The following PLCB1 variants were observed in gnomAD, a reference collection of about 807,000 sequenced individuals.
PLCB1 encodes the protein phospholipase C beta 1.
A neutral mutation model predicts 161.8 loss-of-function variants in PLCB1; 46 were observed. The ratio of observed to expected loss-of-function variants is 0.28; its 90% CI spans 0.22 to 0.36. PLCB1 has a LOEUF of 0.36. Among genes scored for constraint, PLCB1 ranks in the 10% least tolerant of loss-of-function variants. The pLI is 1.00. For missense variants in PLCB1, 1,016 were observed against 1,472.5 expected (o/e 0.69, Z 5.07); for synonymous variants, 517 against 503.7 (o/e 1.03, Z -0.35).
chr20:8,297,894 T>G (rs865851896), intron 2 of PLCB1, among the ~76,000 whole-genome samples: 13 of 147,156 alleles, frequency 8.8e-5, no homozygotes, highest in African/African-American at 1.5e-4. Flanking sequence ...CTTTTTGGGT[T>G]TTTTTTTTTT....
At chr20:8,502,196 G>T (rs1983455075) in intron 3 of PLCB1, among the ~76,000 whole-genome samples, 1 of 151,656 alleles carries the variant, frequency 6.6e-6, no homozygotes, top group Non-Finnish European at 1.5e-5. Flanking sequence ...GTGTTCTATG[G>T]GACAGCTCTA....
At chr20:8,655,027 CAAAG>C (rs1452003828) in intron 7 of PLCB1, among the ~76,000 whole-genome samples, 3 of 151,986 alleles carry the variant, frequency 2.0e-5, no homozygotes, top group East Asian at 1.9e-4. Flanking sequence ...AAAAATGAGA[CAAAG>C]AAAATCAGCT....
intron 2 of PLCB1, among the ~76,000 whole-genome samples, chr20:8,167,689 G>A (rs1172870740): frequency 6.6e-6 from 1 of 152,116 alleles, no homozygotes; most frequent in Non-Finnish European, 1.5e-5. Context: ...TTTAAATTAT[G>A]AGTTGTCTCT....
chr20:8,532,850 T>TTTTTA (rs780863130), intron 3 of PLCB1, among the ~76,000 whole-genome samples: 8 of 151,994 alleles, frequency 5.3e-5, no homozygotes, highest in African/African-American at 7.3e-5. Flanking sequence ...TTTTTCTTCC[T>TTTTTA]TTTTATTTTA....
intron 3 of PLCB1, among the ~76,000 whole-genome samples, chr20:8,558,807 AAAC>A (rs1245156429): frequency 1.3e-5 from 2 of 151,950 alleles, no homozygotes; most frequent in African/African-American, 2.4e-5. Flanking sequence ...CAGGAGGAAA[AAAC>A]AACCTGTCAA....
intron 3 of PLCB1, among the ~76,000 whole-genome samples, chr20:8,611,982 C>T (rs1987918299): frequency 6.6e-6 from 1 of 152,054 alleles, no homozygotes; most frequent in Non-Finnish European, 1.5e-5. Context: ...GATATATTCA[C>T]CTCAAGTTTT....
In PLCB1 at chr20:8,708,653, T is replaced by A. The variant is rs756936385; in HGVS notation, c.1168-17T>A. 6.5e-6 allele frequency: 10 copies of A among 1,540,212 alleles called. No individual in the cohort carries two copies. The Admixed American group carries it at 1.7e-4, about 26-fold the overall frequency. On this transcript the variant is annotated splice_polypyrimidine_tract_variant and intron_variant, in intron 11 of 31. Coordinates refer to ENST00000338037, the MANE Select transcript of PLCB1 (RefSeq NM_015192.4). ...AAAATTCTGGCATACTGAATATACA[T>A]GTGTTCTCATTTTTAGGAAGTGATA...
At chr20:8,784,737 T>C (rs1283473292) in intron 27 of PLCB1, among the ~76,000 whole-genome samples, 1 of 152,188 alleles carries the variant, frequency 6.6e-6, no homozygotes, top group Non-Finnish European at 1.5e-5. Flanking sequence ...TTCATTTAAT[T>C]GCATGCAAAA....
chr20:8,465,026 ATCT>A (rs1981757022), intron 3 of PLCB1, among the ~76,000 whole-genome samples: 3 of 151,918 alleles, frequency 2.0e-5, no homozygotes, highest in African/African-American at 7.3e-5. Flanking sequence ...TCATATTATC[ATCT>A]TCTTATTTAT....
At chr20:8,637,830 AT>A (rs1416002278) in intron 4 of PLCB1, among the ~76,000 whole-genome samples, 2 of 151,954 alleles carry the variant, frequency 1.3e-5, no homozygotes, top group Non-Finnish European at 2.9e-5. Flanking sequence ...TTCAGAATCA[AT>A]TTATATGCAA....
intron 3 of PLCB1, among the ~76,000 whole-genome samples, chr20:8,409,451 T>G (rs1330529618): frequency 7.4e-6 from 1 of 135,578 alleles, no homozygotes; most frequent in Non-Finnish European, 1.7e-5. Context: ...ATTTTTATTA[T>G]TATTATTATT....
At chr20:8,584,104 G>T (rs946694013) in intron 3 of PLCB1, among the ~76,000 whole-genome samples, 1 of 152,152 alleles carries the variant, frequency 6.6e-6, no homozygotes, top group Non-Finnish European at 1.5e-5. Flanking sequence ...AACACTTCTA[G>T]AATTAGTTTA....
At chr20:8,722,198 A>G (rs1463710687) in intron 14 of PLCB1, among the ~76,000 whole-genome samples, 156 bp from the exon 15 acceptor site, 1 of 152,162 alleles carries the variant, frequency 6.6e-6, no homozygotes, top group Non-Finnish European at 1.5e-5. Flanking sequence ...ATAATTTTCT[A>G]TAACGAATAA....
chr20:8,365,307 T>G (rs1488846564), intron 2 of PLCB1, among the ~76,000 whole-genome samples: 1 of 152,214 alleles, frequency 6.6e-6, no homozygotes, highest in Non-Finnish European at 1.5e-5. Context: ...TTGCACTATA[T>G]TAAATCTAAG....
chr20:8,648,649 C>T (rs756440819), intron 6 of PLCB1, among the ~76,000 whole-genome samples: 7 of 152,130 alleles, frequency 4.6e-5, no homozygotes, highest in Non-Finnish European at 1.0e-4. Flanking sequence ...TCTGCGAATA[C>T]ACAAATTAAG....
chr20:8,456,848 G>A (rs778954055), intron 3 of PLCB1, among the ~76,000 whole-genome samples: 24 of 152,140 alleles, frequency 1.6e-4, no homozygotes, highest in Non-Finnish European at 3.2e-4. Context: ...AGCTCCCTGG[G>A]ACCTCTTTTA....
chr20:8,526,741 GA>G (rs899244710), intron 3 of PLCB1, among the ~76,000 whole-genome samples: 18 of 152,010 alleles, frequency 1.2e-4, no homozygotes, highest in African/African-American at 3.1e-4. Context: ...GAATTTTAAT[GA>G]AAAAATGGCC....
intron 3 of PLCB1, among the ~76,000 whole-genome samples, chr20:8,491,916 T>C (rs1982962859): frequency 6.6e-6 from 1 of 152,026 alleles, no homozygotes; most frequent in Non-Finnish European, 1.5e-5. Flanking sequence ...GTTTTGTATG[T>C]TTTGGCTGTT....
intron 12 of PLCB1, among the ~76,000 whole-genome samples, chr20:8,715,131 T>C (rs1415646926): frequency 2.2e-4 from 34 of 152,226 alleles, no homozygotes; most frequent in Admixed American, 2.2e-3. Flanking sequence ...TAGAGATAAC[T>C]ATTGGAAATC....
Sources: gnomAD v4.1 joint callset for allele counts (sites outside exome capture counted in the v4.1 genomes callset) on GRCh38, gnomAD v4.1.1 for gene constraint, MANE v1.5 for transcripts, NCBI Gene and HGNC (gene_info 2026-07-23, HGNC 2026-07-21) for gene names.